Variants in FLT4 observed in about 807,000 individuals in gnomAD.
The protein encoded by FLT4 is vascular endothelial growth factor receptor 3.
FLT4 carries 30 observed loss-of-function variants against 163.2 expected under a neutral mutation model. The ratio of observed to expected loss-of-function variants is 0.18; its 90% CI spans 0.14 to 0.25. The LOEUF is 0.25. FLT4 is among the 10% of genes least tolerant of loss of function. The pLI, the probability that FLT4 is intolerant of heterozygous loss-of-function variation, is 1.00. For synonymous variants in FLT4, 884 were observed against 789.5 expected, an observed-to-expected ratio of 1.12 and a Z score of -2.01; for missense variants, 1,510 against 1,863.8, an observed-to-expected ratio of 0.81 and a Z score of 3.50.
intron 20 of FLT4, 39 bp downstream of exon 20, chr5:180,618,982 C>A (rs1561711493): frequency 9.7e-6 from 15 of 1,549,842 alleles, no homozygotes; most frequent in African/African-American, 1.4e-5. Flanking sequence ...CGCCTCCATT[C>A]CCCCGCCGCC....
intron 12 of FLT4, 52 bp from the exon 13 acceptor site, chr5:180,621,956 C>G: frequency 6.2e-7 from 1 of 1,605,698 alleles, no homozygotes; most frequent in Non-Finnish European, 8.5e-7. Flanking sequence ...TTTGCTCCCC[C>G]ATCCACCTGC....
chr5:180,640,012 TCTC>T (rs1764982091), intron 1 of FLT4, among the ~76,000 whole-genome samples: 1 of 152,236 alleles, frequency 6.6e-6, no homozygotes, highest in South Asian at 2.1e-4. Context: ...TACCTCCTCT[TCTC>T]TGTACTGTCA....
At chr5:180,610,929 T>C (rs451207) in intron 27 of FLT4, among the ~76,000 whole-genome samples, 133,628 of 148,174 alleles carry the variant, frequency 0.9, 61,394 homozygotes, top group Non-Finnish European at 0.99. Flanking sequence ...TGGTGGCGGG[T>C]GCCTGTAGTC....
At chr5:180,627,477 C>T (rs1366536537) in intron 8 of FLT4, among the ~76,000 whole-genome samples, 1 of 152,190 alleles carries the variant, frequency 6.6e-6, no homozygotes, top group African/African-American at 2.4e-5. Context: ...TGAGGTTTAA[C>T]CCGGACAGTG....
At chr5:180,609,591 T>G (rs1313654589) in intron 28 of FLT4, 6 of 403,220 alleles carry the variant, frequency 1.5e-5, no homozygotes, top group Non-Finnish European at 2.8e-5. Context: ...GGGGCCCCTC[T>G]GCCCAGCGCT....
At chr5:180,628,272 T>C (rs753301106) in intron 8 of FLT4, among the ~76,000 whole-genome samples, 20 of 152,146 alleles carry the variant, frequency 1.3e-4, no homozygotes, top group Non-Finnish European at 2.6e-4. Flanking sequence ...AGGGGTGCCA[T>C]GCCCCCCCAG....
At chr5:180,649,437 C>A (rs1240745366) in intron 1 of FLT4, 51 bp downstream of exon 1, 24 of 1,372,524 alleles carry the variant, frequency 1.7e-5, no homozygotes, top group Middle Eastern at 2.6e-4. Flanking sequence ...CGCGGTACCC[C>A]CTCCCCGGCC....
At chr5:180,616,583 C>A in intron 22 of FLT4, 94 bp from the exon 23 acceptor site, 6 of 1,391,782 alleles carry the variant, frequency 4.3e-6, no homozygotes, top group Non-Finnish European at 6.0e-6. Context: ...CAGTGGGGAC[C>A]ATGGGGATGC....
chr5:180,607,359 G>A (rs558985423), intron 29 of FLT4, among the ~76,000 whole-genome samples: 3 of 152,296 alleles, frequency 2.0e-5, no homozygotes, highest in Admixed American at 1.3e-4. Context: ...AACAGTGGCC[G>A]GGCGCGGTGG....
chr5:180,610,111 C>G, intron 27 of FLT4, 86 bp from the exon 28 acceptor site: 1 of 1,598,266 alleles, frequency 6.3e-7, no homozygotes. Context: ...GCCCCCTCTT[C>G]TCCTGGAAAG....
At chr5:180,645,729 T>C (rs1028487146) in intron 1 of FLT4, among the ~76,000 whole-genome samples, 3 of 152,152 alleles carry the variant, frequency 2.0e-5, no homozygotes, top group African/African-American at 7.2e-5. Context: ...CGGGAATGAA[T>C]GCCCGCATCT....
chr5:180,620,689 T>A lies in FLT4; in HGVS notation c.2326A>T (p.Ile776Phe). 6.2e-7 allele frequency: 1 copy of A among 1,613,466 alleles called. No individual in the cohort carries two copies. The highest frequency in any genetic ancestry group is 8.5e-7 in the Non-Finnish European group (1 of 1,179,964). Residue 776 changes from isoleucine (I) to phenylalanine (F), a missense_variant, in exon 16 of 30, where the codon ATC (isoleucine) becomes TTC (phenylalanine). Coordinates refer to ENST00000261937, the MANE Select transcript of FLT4 (RefSeq NM_182925.5). The surrounding 1 kb of genome is among the most constrained non-coding windows in gnomAD (Gnocchi z 4.4). The part of the protein sequence containing the change: ...EGSEDKGSME[I>F]VILVGTGVIA... ...ACGCCGGTACCGACAAGGATCACGATCTCCATGCTGCCCTTATCCTCGGAG... is the reference window on the plus strand; with the variant it reads ...ACGCCGGTACCGACAAGGATCACGAACTCCATGCTGCCCTTATCCTCGGAG...
intron 1 of FLT4, 22 bp downstream of exon 1, chr5:180,649,466 G>A: frequency 6.9e-7 from 1 of 1,453,400 alleles, no homozygotes; most frequent in Non-Finnish European, 9.1e-7. Flanking sequence ...GCTCGGGCGG[G>A]TGGCCCGTTC....
chr5:180,642,724 C>T (rs1362551609), intron 1 of FLT4, among the ~76,000 whole-genome samples: 2 of 152,202 alleles, frequency 1.3e-5, no homozygotes, highest in Admixed American at 6.5e-5. Context: ...CAACTGTGCA[C>T]CCGCCAGAGG....
At chr5:180,618,476 CCTA>C (rs1330595468) in intron 21 of FLT4, among the ~76,000 whole-genome samples, 1 of 152,138 alleles carries the variant, frequency 6.6e-6, no homozygotes, top group Non-Finnish European at 1.5e-5. Context: ...ACACCCACGT[CCTA>C]CTCCCAGAGC....
In FLT4 at chr5:180,649,532, G is replaced by A. The variant is rs1319020152; in HGVS notation, c.14C>T (p.Ala5Val). The A allele has an allele frequency of 2.1e-6, 3 of 1,440,674 alleles. No homozygotes were observed. Among genetic ancestry groups the A allele is most frequent in the Non-Finnish European group, 1.8e-6 (2 of 1,097,082 alleles). The allele number at this position is 1,440,674 out of a possible 1,614,324, so 89.2% of individuals were successfully genotyped here. A position where few individuals can be genotyped will look rare whatever the true frequency, so the allele number is the denominator to read the frequency against. The change falls in exon 1 of 30, where the codon GCC (alanine) becomes GTC (valine). Residue 5 changes from alanine (A) to valine (V), a missense_variant. This residue lies in a region of FLT4 where 157 missense variants were observed against 178.7 expected (regional missense o/e 0.88). Transcript: ENST00000261937. ...GAGCCACAGTCGCAGGCACAGCGCG[G>A]CGCCCCGCTGCATCTCCGGCCGCTG... MQRG[A>V]ALCLRLWLCL... is the part of the protein sequence containing the mutation.
intron 6 of FLT4, 65 bp downstream of exon 6, chr5:180,629,631 G>T: frequency 6.4e-7 from 1 of 1,569,808 alleles, no homozygotes; most frequent in Non-Finnish European, 8.7e-7. Context: ...CGGAGGCCCA[G>T]TGTGTGCTGT....
chr5:180,611,834 GC>G (rs1762225455), intron 26 of FLT4: 2 of 381,310 alleles, frequency 5.2e-6, no homozygotes, highest in Admixed American at 7.7e-5. Flanking sequence ...TCTCCCAACA[GC>G]CCTTCCAGGT....
At chr5:180,649,396 G>A in intron 1 of FLT4, 92 bp downstream of exon 1, 1 of 904,390 alleles carries the variant, frequency 1.1e-6, no homozygotes, top group Non-Finnish European at 1.5e-6. Context: ...GCCCGTACCC[G>A]GCGGAGCGGT....
Sources: gnomAD v4.1 joint callset for allele counts (sites outside exome capture counted in the v4.1 genomes callset) on GRCh38, gnomAD v4.1.1 for gene constraint, gnomAD v4.1.1 regional missense constraint, Gnocchi (gnomAD v3.1) non-coding constraint, MANE v1.5 for transcripts, NCBI Gene and HGNC (gene_info 2026-07-23, HGNC 2026-07-21) for gene names.